The following ITGA9 variants were observed in gnomAD, a reference collection of about 807,000 sequenced individuals.
ITGA9 encodes integrin subunit alpha 9, also known as integrin alpha-9.
In ITGA9, 56 loss-of-function variants were observed where a neutral mutation model predicts 127.8. The ratio of observed to expected loss-of-function variants is 0.44; its 90% CI spans 0.35 to 0.55. ITGA9 has a LOEUF of 0.55. Ranked by LOEUF, ITGA9 falls within the 20% of genes least tolerant of loss-of-function variation. The pLI is 0.00. For synonymous variants in ITGA9, 508 were observed against 514.5 expected (o/e 0.99, Z 0.17); for missense variants, 1,196 against 1,347.1 (o/e 0.89, Z 1.76).
intron 1 of ITGA9, among the ~76,000 whole-genome samples, chr3:37,460,441 A>G (rs998745599): frequency 3.3e-5 from 5 of 152,080 alleles, no homozygotes; most frequent in African/African-American, 1.2e-4. Context: ...TAACTAAAAG[A>G]GTATAATTGA....
intron 27 of ITGA9, among the ~76,000 whole-genome samples, chr3:37,815,901 G>A (rs1697425558): frequency 6.6e-6 from 1 of 152,134 alleles, no homozygotes; most frequent in African/African-American, 2.4e-5. Context: ...CTGGGAGTTG[G>A]CTAGTCTGGG....
chr3:37,771,508 C>T (rs183562134), intron 23 of ITGA9, among the ~76,000 whole-genome samples: 7 of 152,300 alleles, frequency 4.6e-5, no homozygotes, highest in Non-Finnish European at 8.8e-5. Flanking sequence ...CAAACTGGCA[C>T]GGCTGTTAGC....
intron 4 of ITGA9, 120 bp downstream of exon 4, chr3:37,481,727 C>A: frequency 7.4e-7 from 1 of 1,354,632 alleles, no homozygotes; most frequent in Non-Finnish European, 1.0e-6. Flanking sequence ...CATGATAGGG[C>A]AGCACTGTTT....
intron 15 of ITGA9, among the ~76,000 whole-genome samples, chr3:37,576,666 G>A (rs575090654): frequency 6.6e-6 from 1 of 152,332 alleles, no homozygotes; most frequent in African/African-American, 2.4e-5. Flanking sequence ...GAATGCAGTG[G>A]TGCAATCTTG....
At chr3:37,627,891 G>A (rs1274633873) in intron 15 of ITGA9, among the ~76,000 whole-genome samples, 1 of 152,200 alleles carries the variant, frequency 6.6e-6, no homozygotes, top group Non-Finnish European at 1.5e-5. Flanking sequence ...GCAGATGCTT[G>A]GACTGGATGG....
chr3:37,697,223 T>C (rs998409855), intron 18 of ITGA9, among the ~76,000 whole-genome samples: 4 of 152,146 alleles, frequency 2.6e-5, no homozygotes, highest in Non-Finnish European at 5.9e-5. Flanking sequence ...AGTCATGACC[T>C]ACACCTGGCT....
intron 5 of ITGA9, among the ~76,000 whole-genome samples, chr3:37,500,320 TG>T (rs767559338): frequency 6.6e-6 from 1 of 152,206 alleles, no homozygotes; most frequent in Non-Finnish European, 1.5e-5. Context: ...GAGATACCCC[TG>T]GGAACATCTG....
At chr3:37,497,804 G>A (rs979154974) in intron 5 of ITGA9, among the ~76,000 whole-genome samples, 1 of 152,154 alleles carries the variant, frequency 6.6e-6, no homozygotes, top group African/African-American at 2.4e-5. Flanking sequence ...TAGGCAGTGG[G>A]AACCACTGTA....
At chr3:37,581,736 GCTT>G (rs1156755028) in intron 15 of ITGA9, among the ~76,000 whole-genome samples, 1 of 152,154 alleles carries the variant, frequency 6.6e-6, no homozygotes, top group Non-Finnish European at 1.5e-5. Flanking sequence ...GCAGCCGTCT[GCTT>G]TAATTGTCAG....
chr3:37,542,408 C>G lies in ITGA9; in HGVS notation c.1529-17C>G. 6.2e-7 allele frequency: 1 copy of G among 1,612,684 alleles called. No homozygotes were observed. The highest frequency in any genetic ancestry group is 8.5e-7 in the Non-Finnish European group (1 of 1,179,904). On this transcript the variant is annotated splice_polypyrimidine_tract_variant and intron_variant, in intron 14 of 27. Coordinates refer to ENST00000264741, the MANE Select transcript of ITGA9 (RefSeq NM_002207.3). ...TGTCGGTCCTTTCTGACATTTTGACCTCTCATTTATTGGCAGGCCTGAATT... is the reference window on the plus strand; with the variant it reads ...TGTCGGTCCTTTCTGACATTTTGACGTCTCATTTATTGGCAGGCCTGAATT...
chr3:37,752,591 T>G (rs559342316), intron 23 of ITGA9, among the ~76,000 whole-genome samples: 5 of 152,334 alleles, frequency 3.3e-5, no homozygotes, highest in African/African-American at 1.2e-4. Context: ...CTGTATTGCC[T>G]GTGATCATCA....
At chr3:37,480,010 A>C (rs1316493094) in intron 3 of ITGA9, among the ~76,000 whole-genome samples, 1 of 152,220 alleles carries the variant, frequency 6.6e-6, no homozygotes, top group Non-Finnish European at 1.5e-5. Flanking sequence ...TTTCAAAAGC[A>C]ATATTTTAAG....
intron 15 of ITGA9, among the ~76,000 whole-genome samples, chr3:37,581,852 G>A (rs181222717): frequency 6.6e-6 from 1 of 152,304 alleles, no homozygotes; most frequent in Non-Finnish European, 1.5e-5. Context: ...TACAGGTGGG[G>A]CCAGGACCCC....
chr3:37,471,174 A>G (rs1698427507), intron 2 of ITGA9, 40 bp downstream of exon 2: 8 of 1,610,184 alleles, frequency 5.0e-6, no homozygotes, highest in Admixed American at 1.7e-5. Context: ...TGGGTTCTGT[A>G]CCCTTATACC....
chr3:37,567,955 G>T (rs964314045), intron 15 of ITGA9, among the ~76,000 whole-genome samples: 1 of 152,168 alleles, frequency 6.6e-6, no homozygotes, highest in African/African-American at 2.4e-5. Flanking sequence ...GAGGATGGGG[G>T]CCGTCTTCTC....
At chr3:37,577,479 G>A (rs1478632092) in intron 15 of ITGA9, among the ~76,000 whole-genome samples, 1 of 152,182 alleles carries the variant, frequency 6.6e-6, no homozygotes, top group Admixed American at 6.5e-5. Flanking sequence ...GCTGCTTCTG[G>A]TGTATCATCC....
At chr3:37,607,428 G>A (rs1392798228) in intron 15 of ITGA9, among the ~76,000 whole-genome samples, 2 of 152,128 alleles carry the variant, frequency 1.3e-5, no homozygotes, top group East Asian at 3.9e-4. Flanking sequence ...AAAAAATATT[G>A]ACAGTGTGCC....
Position 37,793,405 on chromosome 3 carries a change from C to T in ITGA9, c.2889+8327C>T, listed in dbSNP as rs1012172052. Among the ~76,000 whole-genome samples, 351 of 137,952 alleles carry T rather than the reference C, an allele frequency of 2.5e-3. 4 individuals are homozygous for T. Among genetic ancestry groups the T allele is most frequent in the African/African-American group, 8.1e-3 (324 of 40,108 alleles). 90.5% of individuals were successfully genotyped at this position (137,952 alleles called of 152,430 possible). A position where few individuals can be genotyped will look rare whatever the true frequency, so the allele number is the denominator to read the frequency against. Reference sequence around the variant, plus strand: ...AAACAGGTCAACACACACACACACACACACACACACACACACACACACACA... The same window carrying T: ...AAACAGGTCAACACACACACACACATACACACACACACACACACACACACA... On this transcript the variant is annotated intron_variant, in intron 26 of 27. Transcript: ENST00000264741.
chr3:37,471,251 C>T, intron 2 of ITGA9, 117 bp downstream of exon 2: 1 of 1,146,852 alleles, frequency 8.7e-7, no homozygotes, highest in Non-Finnish European at 1.3e-6. Context: ...TCCTTCCCTC[C>T]CTCCTTCTCT....
Sources: gnomAD v4.1 joint callset for allele counts (sites outside exome capture counted in the v4.1 genomes callset) on GRCh38, gnomAD v4.1.1 for gene constraint, MANE v1.5 for transcripts, NCBI Gene and HGNC (gene_info 2026-07-23, HGNC 2026-07-21) for gene names.